HDLBP: variants seen among roughly 807,000 people sequenced by gnomAD.
HDLBP encodes vigilin.
In HDLBP, 30 loss-of-function variants were observed where a neutral mutation model predicts 137.3. The observed-to-expected ratio is 0.22, with a 90% confidence interval of 0.16 to 0.30. The LOEUF is 0.30. Among genes scored for constraint, HDLBP ranks in the 10% least tolerant of loss-of-function variants. The pLI is 1.00. For synonymous variants in HDLBP, 606 were observed against 596.0 expected, an observed-to-expected ratio of 1.02 and a Z score of -0.24; for missense variants, 1,119 against 1,667.3, an observed-to-expected ratio of 0.67 and a Z score of 5.73.
At chr2:241,304,452 A>G (rs956221780) in intron 1 of HDLBP, among the ~76,000 whole-genome samples, 1 of 152,206 alleles carries the variant, frequency 6.6e-6, no homozygotes, top group Non-Finnish European at 1.5e-5. Flanking sequence ...CTAGACTAGA[A>G]GCCAATCCCC....
intron 1 of HDLBP, among the ~76,000 whole-genome samples, chr2:241,313,667 G>C (rs2075832453): frequency 6.6e-6 from 1 of 152,150 alleles, no homozygotes; most frequent in Non-Finnish European, 1.5e-5. Flanking sequence ...GAATTGAAAT[G>C]AAGAAGTGAG....
At chr2:241,237,945 G>A (rs755003237) in intron 20 of HDLBP, among the ~76,000 whole-genome samples, 1 of 152,218 alleles carries the variant, frequency 6.6e-6, no homozygotes, top group Non-Finnish European at 1.5e-5. Flanking sequence ...CATGCTTCCT[G>A]GATGCCCAGA....
At chr2:241,254,903 T>A in intron 9 of HDLBP, 148 bp downstream of exon 9, 1 of 687,692 alleles carries the variant, frequency 1.5e-6, no homozygotes. Flanking sequence ...AACACGGAAG[T>A]TGACCATGTC....
chr2:241,228,527 C>G lies in HDLBP; in HGVS notation c.*1074G>C, dbSNP rs2069347375. The G allele has an allele frequency of 1.3e-5, 2 of 152,436 alleles. No homozygotes were observed. The highest frequency in any genetic ancestry group is 4.8e-5 in the African/African-American group (2 of 41,454). 9.4% of individuals were successfully genotyped at this position (152,436 alleles called of 1,614,324 possible). Reference sequence around the variant, plus strand: ...CTCCCACTCCAGATGGGCCTGCTGGCCACTGACCCACCTGTGCTGAGGGAG... The same window carrying G: ...CTCCCACTCCAGATGGGCCTGCTGGGCACTGACCCACCTGTGCTGAGGGAG... On this transcript the variant is annotated 3_prime_UTR_variant, in exon 28 of 28. Coordinates refer to ENST00000310931, the MANE Select transcript of HDLBP (RefSeq NM_005336.6).
At chr2:241,300,843 G>T (rs1308246490) in intron 1 of HDLBP, among the ~76,000 whole-genome samples, 1 of 152,078 alleles carries the variant, frequency 6.6e-6, no homozygotes, top group Non-Finnish European at 1.5e-5. Flanking sequence ...TGGGTCTCAG[G>T]GGCTGGCCAG....
intron 1 of HDLBP, among the ~76,000 whole-genome samples, chr2:241,285,798 G>A (rs1285575025): frequency 6.6e-6 from 1 of 152,196 alleles, no homozygotes; most frequent in African/African-American, 2.4e-5. Context: ...GGAGGCCAAG[G>A]CAGAAGGATC....
chr2:241,274,510 T>G (rs548655957), intron 1 of HDLBP, among the ~76,000 whole-genome samples: 1 of 152,276 alleles, frequency 6.6e-6, no homozygotes, highest in East Asian at 1.9e-4. Flanking sequence ...TTTTGAGGGC[T>G]CAGCACTGCA....
At chr2:241,301,240 G>T (rs2075388279) in intron 1 of HDLBP, among the ~76,000 whole-genome samples, 1 of 151,564 alleles carries the variant, frequency 6.6e-6, no homozygotes, top group Non-Finnish European at 1.5e-5. Flanking sequence ...GCCCACCTAG[G>T]CCTCCCAAAG....
chr2:241,269,181 G>C (rs2073890169), intron 1 of HDLBP: 1 of 152,226 alleles, frequency 6.6e-6, no homozygotes, highest in Non-Finnish European at 1.5e-5. Flanking sequence ...AGAACTCTGT[G>C]AAGTAGGAGG....
At chr2:241,297,335 G>A (rs531732151) in intron 1 of HDLBP, among the ~76,000 whole-genome samples, 9 of 152,278 alleles carry the variant, frequency 5.9e-5, no homozygotes, top group African/African-American at 2.2e-4. Context: ...AAACATATTA[G>A]AGACACTGGG....
At chr2:241,251,308 G>C (rs542319034) in intron 11 of HDLBP, among the ~76,000 whole-genome samples, 6 of 152,282 alleles carry the variant, frequency 3.9e-5, no homozygotes, top group African/African-American at 1.2e-4. Flanking sequence ...GTAAAAGCAA[G>C]TTTATGGTGT....
chr2:241,298,237 G>C (rs1478930511), intron 1 of HDLBP, among the ~76,000 whole-genome samples: 1 of 151,694 alleles, frequency 6.6e-6, no homozygotes, highest in East Asian at 1.9e-4. Flanking sequence ...GTGGTGGCGC[G>C]TGCCTGTAAT....
chr2:241,234,094 C>T (rs1213637910), intron 23 of HDLBP, 131 bp from the exon 24 acceptor site: 30 of 1,014,960 alleles, frequency 3.0e-5, no homozygotes, highest in African/African-American at 3.2e-5. Flanking sequence ...CGGAATGGTC[C>T]GCCATCTCTC....
chr2:241,271,688 G>A (rs563675274), intron 1 of HDLBP, among the ~76,000 whole-genome samples: 1 of 152,288 alleles, frequency 6.6e-6, no homozygotes, highest in African/African-American at 2.4e-5. Context: ...AATGAGACCC[G>A]CAAGTGCTTT....
intron 1 of HDLBP, among the ~76,000 whole-genome samples, chr2:241,285,352 T>C (rs1473487359): frequency 1.3e-5 from 2 of 152,226 alleles, no homozygotes; most frequent in Non-Finnish European, 1.5e-5. Context: ...ATGTGCACTG[T>C]AGCATTTTTG....
rs185067236 is a variant in HDLBP at position 241,259,202 on chromosome 2, C to T, written c.451-2396G>A. Reference sequence around the variant, plus strand: ...CCAAAAAATAATAAAAGAAAAAAAGCAAGGCATAGAACAGGGTGTATGGCA... The same window carrying T: ...CCAAAAAATAATAAAAGAAAAAAAGTAAGGCATAGAACAGGGTGTATGGCA... On this transcript the variant is annotated intron_variant, in intron 5 of 27. Coordinates refer to ENST00000310931, the MANE Select transcript of HDLBP (RefSeq NM_005336.6). Among the ~76,000 whole-genome samples the T allele has an allele frequency of 9.2e-5, 14 of 152,238 alleles. No individual in the cohort carries two copies. The East Asian group carries it at 2.7e-3, about 29-fold the overall frequency.
At chr2:241,285,939 A>T (rs1453589261) in intron 1 of HDLBP, among the ~76,000 whole-genome samples, 1 of 152,236 alleles carries the variant, frequency 6.6e-6, no homozygotes, top group Admixed American at 6.5e-5. Flanking sequence ...CAGAAGGATC[A>T]TTTGAACCCA....
Position 241,239,481 on chromosome 2 carries a change from A to T in HDLBP, c.2610+121T>A, listed in dbSNP as rs979289909. 1.4e-5 allele frequency: 11 copies of T among 763,450 alleles called. No individual in the cohort carries two copies. The South Asian group carries it at 1.7e-4, about 12-fold the overall frequency. The allele number at this position is 763,450 out of a possible 1,614,324, so 47.3% of individuals were successfully genotyped here. A position where few individuals can be genotyped will look rare whatever the true frequency, so the allele number is the denominator to read the frequency against. On this transcript the variant is annotated intron_variant, in intron 19 of 27. Transcript: ENST00000310931. The surrounding 1 kb of genome is among the most constrained non-coding windows in gnomAD (Gnocchi z 4.6). ...AGCGAGCACCAGAAAGCCCCTTCTGAAGCCTTCCAGGGCTGTATGAGGGAG... is the reference window on the plus strand; with the variant it reads ...AGCGAGCACCAGAAAGCCCCTTCTGTAGCCTTCCAGGGCTGTATGAGGGAG...
In HDLBP at chr2:241,276,678, A is replaced by G. The variant is rs935401793; in HGVS notation, c.-102-8137T>C. On this transcript the variant is annotated intron_variant, in intron 1 of 27. Coordinates refer to ENST00000310931, the MANE Select transcript of HDLBP (RefSeq NM_005336.6). ...TGAAAGTTGGTTATATTATTTTCAG[A>G]TAACACAGACTGTAGGATAAAAATC... 3.5e-4 allele frequency among the ~76,000 whole-genome samples: 54 copies of G among 152,340 alleles called. 1 individual carries two copies. Among genetic ancestry groups the G allele is most frequent in the Admixed American group, 3.3e-3 (50 of 15,312 alleles).
Sources: allele counts gnomAD v4.1 joint callset (sites outside exome capture counted in the v4.1 genomes callset), GRCh38; gene constraint gnomAD v4.1.1; non-coding constraint Gnocchi (gnomAD v3.1); transcripts MANE v1.5; gene names NCBI Gene and HGNC (gene_info 2026-07-23, HGNC 2026-07-21).